Variants in OPLAH observed in about 807,000 individuals in gnomAD.
The protein encoded by OPLAH is 5-oxoprolinase, ATP-hydrolysing.
A neutral mutation model predicts 122.8 loss-of-function variants in OPLAH; 103 were observed. The observed-to-expected ratio is 0.84, with a 90% CI of 0.71 to 0.99. The LOEUF (loss-of-function observed/expected upper bound fraction) is 0.99. Ranked by LOEUF, OPLAH falls within the 50% of genes least tolerant of loss-of-function variation. The pLI is 0.00. For missense variants in OPLAH, 1,902 were observed against 1,836.5 expected, an observed-to-expected ratio of 1.04 and a Z score of -0.65; for synonymous variants, 875 against 796.0, an observed-to-expected ratio of 1.10 and a Z score of -1.67.
Position 144,051,790 on chromosome 8 carries a change from A to G in OPLAH, c.3659T>C (p.Ile1220Thr). ...EPGARGLNLL[I>T]RKNGRTVNLG... The stretch of plus-strand genomic sequence containing the variant: ...ATTCACCGTCCGGCCGTTTTTGCGG[A>G]TCAGCAGGTTTAGGCCGCGGGCGCC... The change falls in exon 26 of 27, where the codon ATC (isoleucine) becomes ACC (threonine). Residue 1220 changes from isoleucine to threonine, a missense_variant. By Grantham distance (89) the Ile-to-Thr change is moderately conservative. Transcript: ENST00000618853. 1.3e-6 allele frequency: 2 copies of G among 1,595,796 alleles called. No homozygotes were observed. Among genetic ancestry groups the G allele is most frequent in the Non-Finnish European group, 1.7e-6 (2 of 1,173,848 alleles).
At position 144,055,289 on chromosome 8, in the gene OPLAH, C is replaced by T. The variant is rs1393320230; in HGVS notation, c.2249-100G>A. 2.4e-6 allele frequency: 3 copies of T among 1,275,136 alleles called. No individual in the cohort carries two copies. In the Admixed American group the frequency reaches 9.7e-5, roughly 41 times the overall value. 79.0% of individuals were successfully genotyped at this position (1,275,136 alleles called of 1,614,324 possible). On this transcript the variant is annotated intron_variant, in intron 16 of 26. Coordinates refer to ENST00000618853, the MANE Select transcript of OPLAH (RefSeq NM_017570.5). This position sits in a 1 kb window ranked among gnomAD's most constrained non-coding sequence, Gnocchi z 6.5. ...CCCACCAGGACTCAAACCCAGGACC[C>T]AGGAAAAACCCAGCAGCTTTTTCCT...
Position 144,055,975 on chromosome 8 carries a change from CA to C in OPLAH, c.2097-37del. 6.6e-7 allele frequency: 1 copy of C among 1,517,422 alleles called. No homozygotes were observed. Among genetic ancestry groups the C allele is most frequent in the Non-Finnish European group, 8.9e-7 (1 of 1,128,330 alleles). The allele number at this position is 1,517,422 out of a possible 1,614,324, so 94.0% of individuals were successfully genotyped here. A position where few individuals can be genotyped will look rare whatever the true frequency, so the allele number is the denominator to read the frequency against. On this transcript the variant is annotated intron_variant, in intron 15 of 26. Coordinates refer to ENST00000618853, the MANE Select transcript of OPLAH (RefSeq NM_017570.5). This position sits in a 1 kb window ranked among gnomAD's most constrained non-coding sequence, Gnocchi z 6.5. ...GAGGGCACAGAGGGCTGCATGGGGC[CA>C]GGCGACACCCCTCCAACCAGAGATG...
chr8:144,050,557 A>G, downstream of OPLAH: 2 of 985,602 alleles, frequency 2.0e-6, no homozygotes, highest in Non-Finnish European at 2.4e-6. Context: ...CTAGAGCAGG[A>G]GCACGAGCTC....
At chr8:144,063,136 C>T (rs1835690142), upstream of OPLAH, among the ~76,000 whole-genome samples, 1 of 152,150 alleles carries the variant, frequency 6.6e-6, no homozygotes, top group Non-Finnish European at 1.5e-5. The surrounding 1 kb of genome is among the most constrained non-coding windows in gnomAD (Gnocchi z 4.2). Flanking sequence ...ATGGCCCGGC[C>T]CCTACTCTCT....
intron 15 of OPLAH, 79 bp downstream of exon 15, chr8:144,056,068 C>A (rs1835505606): frequency 6.5e-7 from 1 of 1,535,460 alleles, no homozygotes; most frequent in Non-Finnish European, 8.8e-7. Context: ...CCCCTGCAGC[C>A]TTGGGCCAGA....
chr8:144,056,477 C>G lies in OPLAH; in HGVS notation c.1891G>C (p.Val631Leu). 6.2e-7 allele frequency: 1 copy of G among 1,611,734 alleles called. No individual in the cohort carries two copies. Among genetic ancestry groups the G allele is most frequent in the South Asian group, 1.1e-5 (1 of 91,006 alleles). Reference protein sequence around the residue: ...GFVIPERPVVVDDVRVRGTGR... With the variant: ...GFVIPERPVVLDDVRVRGTGR... The stretch of plus-strand genomic sequence containing the variant: ...GTGCCCCGCACTCGCACATCGTCCA[C>G]GACCACCGGCCGCTCAGGTATGACA... Residue 631 changes from valine to leucine, a missense_variant, in exon 14 of 27, where the codon GTG becomes CTG. Physicochemically the swap from Val to Leu is conservative, Grantham distance 32. Coordinates refer to ENST00000618853, the MANE Select transcript of OPLAH (RefSeq NM_017570.5).
Position 144,052,280 on chromosome 8 carries a change from T to C in OPLAH, c.3350A>G (p.Tyr1117Cys), listed in dbSNP as rs1554757865. ...GCCCGCGCCGCCCGCCACCGTCTCGTAGTAGCCCATGTGGGCGTTGCCCAG... is the reference window on the plus strand; with the variant it reads ...GCCCGCGCCGCCCGCCACCGTCTCGCAGTAGCCCATGTGGGCGTTGCCCAG... ...VTLGNAHMGYYETVAGGAGAG... is the reference protein window; with the variant it reads ...VTLGNAHMGYCETVAGGAGAG... The change falls in exon 24 of 27, where the codon TAC (tyrosine) becomes TGC (cysteine). Residue 1117 changes from tyrosine (Y) to cysteine (C), a missense_variant. Tyr to Cys is a radical substitution (Grantham distance 194). Coordinates refer to ENST00000618853, the MANE Select transcript of OPLAH (RefSeq NM_017570.5). The C allele has an allele frequency of 3.9e-6, 6 of 1,535,132 alleles. No homozygotes were observed. Among genetic ancestry groups the C allele is most frequent in the Non-Finnish European group, 4.4e-6 (5 of 1,145,660 alleles).
rs1259167328 is a variant in OPLAH at position 144,054,494 on chromosome 8, C to A, written c.2686+67G>T. 5.4e-6 allele frequency: 8 copies of A among 1,478,084 alleles called. No homozygotes were observed. The Middle Eastern group carries it at 5.9e-4, about 109-fold the overall frequency. The allele number at this position is 1,478,084 out of a possible 1,614,324, so 91.6% of individuals were successfully genotyped here. A position where few individuals can be genotyped will look rare whatever the true frequency, so the allele number is the denominator to read the frequency against. On this transcript the variant is annotated intron_variant, in intron 19 of 26. Coordinates refer to ENST00000618853, the MANE Select transcript of OPLAH (RefSeq NM_017570.5). Reference sequence around the variant, plus strand: ...GGCTGCATCCCACGGTCCAGCCAGGCCTGCTTGCCAGCAGTGGCCATGTGT... The same window carrying A: ...GGCTGCATCCCACGGTCCAGCCAGGACTGCTTGCCAGCAGTGGCCATGTGT...
intron 19 of OPLAH, 78 bp downstream of exon 19, chr8:144,054,483 G>A (rs1188595640): frequency 5.6e-6 from 8 of 1,432,204 alleles, no homozygotes; most frequent in Non-Finnish European, 7.5e-6. Flanking sequence ...GCATCCCACG[G>A]TCCAGCCAGG....
In OPLAH at chr8:144,058,614, G is replaced by A. The variant is rs531271547; in HGVS notation, c.665C>T (p.Ala222Val). The A allele has an allele frequency of 1.2e-6, 2 of 1,603,282 alleles. No individual in the cohort carries two copies. The highest frequency in any genetic ancestry group is 2.2e-5 in the East Asian group (1 of 44,858). Residue 222 changes from alanine to valine, a missense_variant, in exon 6 of 27, where the codon GCC becomes GTC. Physicochemically the swap from Ala to Val is moderately conservative, Grantham distance 64. Around this residue, in one of 3 missense-constraint regions of OPLAH, gnomAD observed 1,726 missense variants for 1,642.1 expected, o/e 1.05. Coordinates refer to ENST00000618853, the MANE Select transcript of OPLAH (RefSeq NM_017570.5). ...GFTHVSLSSEAMPMVRIVPRG... is the reference protein window; with the variant it reads ...GFTHVSLSSEVMPMVRIVPRG... The stretch of plus-strand genomic sequence containing the variant: ...AGGGACGATGCGCACCATGGGCATG[G>A]CCTCCGAGGACAGTGACACGTGCGT...
rs78997949 is a variant in OPLAH, at chr8:144,055,717, A to G, written c.2248+71T>C. 2.1e-5 allele frequency: 29 copies of G among 1,409,680 alleles called. No homozygotes were observed. The East Asian group carries it at 4.6e-4, about 22-fold the overall frequency. The allele number at this position is 1,409,680 out of a possible 1,614,324, so 87.3% of individuals were successfully genotyped here. A position where few individuals can be genotyped will look rare whatever the true frequency, so the allele number is the denominator to read the frequency against. Reference sequence around the variant, plus strand: ...CCTGCTTCTGCCTCTCCCTTTGGGCACAGCCCTGCCAGCTACCCCATGACA... The same window carrying G: ...CCTGCTTCTGCCTCTCCCTTTGGGCGCAGCCCTGCCAGCTACCCCATGACA... On this transcript the variant is annotated intron_variant, in intron 16 of 26. Transcript: ENST00000618853. The surrounding 1 kb of genome is among the most constrained non-coding windows in gnomAD (Gnocchi z 6.5).
In OPLAH at chr8:144,056,643, C is replaced by T. The variant is rs1408742789; in HGVS notation, c.1819G>A (p.Asp607Asn). The T allele has an allele frequency of 3.7e-6, 6 of 1,612,078 alleles. No homozygotes were observed. The highest frequency in any genetic ancestry group is 5.1e-6 in the Non-Finnish European group (6 of 1,179,774). ...PATARSPRAG[D>N]FGAAFVERYM... ...CGCTCCACAAAGGCTGCCCCGAAGT[C>T]CCCCGCACGGGGCGAGCGGGCTGTG... is the stretch of plus-strand genomic sequence containing the variant. The change falls in exon 13 of 27, where the codon GAC becomes AAC. Residue 607 changes from aspartate (D) to asparagine (N), a missense_variant. Physicochemically the swap from Asp to Asn is conservative, Grantham distance 23. Around this residue, in one of 3 missense-constraint regions of OPLAH, gnomAD observed 1,726 missense variants for 1,642.1 expected, o/e 1.05. Transcript: ENST00000618853.
rs782316521 is a variant in OPLAH at position 144,053,362 on chromosome 8, C to T, written c.2718G>A (p.Lys906=). ...AVTEALRAPG[K]VPNCSGTRNL... is the part of the protein sequence containing the mutation. ...TTCTGGTTCCGCTGCAGTTGGGGACCTTGCCTGGCGCCCGCAGGGCCTCCG... is the reference window on the plus strand; with the variant it reads ...TTCTGGTTCCGCTGCAGTTGGGGACTTTGCCTGGCGCCCGCAGGGCCTCCG... Residue 906 remains lysine, a synonymous_variant, in exon 20 of 27, where the codon AAG becomes AAA. Coordinates refer to ENST00000618853, the MANE Select transcript of OPLAH (RefSeq NM_017570.5). The T allele has an allele frequency of 6.2e-6, 10 of 1,612,228 alleles. No individual in the cohort carries two copies. The highest frequency in any genetic ancestry group is 8.5e-6 in the Non-Finnish European group (10 of 1,179,616).
In OPLAH at chr8:144,057,012, C is replaced by A; in HGVS notation, c.1642G>T (p.Asp548Tyr). The part of the protein sequence containing the change: ...LYAPETFVQL[D>Y]QRLSRLEEQC... Reference sequence around the variant, plus strand: ...TCCTCCAGGCGGCTCAGCCTCTGGTCCAGCTGCACGAAGGTCTCAGGCGCG... The same window carrying A: ...TCCTCCAGGCGGCTCAGCCTCTGGTACAGCTGCACGAAGGTCTCAGGCGCG... Residue 548 changes from aspartate to tyrosine, a missense_variant, in exon 12 of 27, where the codon GAC becomes TAC. Around this residue, in one of 3 missense-constraint regions of OPLAH, gnomAD observed 1,726 missense variants for 1,642.1 expected, o/e 1.05. Transcript: ENST00000618853. 1 of 1,594,604 alleles carries A rather than the reference C, an allele frequency of 6.3e-7. No homozygotes were observed. Among genetic ancestry groups the A allele is most frequent in the Non-Finnish European group, 8.5e-7 (1 of 1,171,998 alleles).
chr8:144,058,891 T>C lies in OPLAH; in HGVS notation c.469A>G (p.Thr157Ala), dbSNP rs1394462037. Residue 157 changes from threonine (T) to alanine (A), a missense_variant, in exon 5 of 27, where the codon ACG becomes GCG. Thr to Ala is a moderately conservative substitution (Grantham distance 58, BLOSUM62 0). Transcript: ENST00000618853. ...TGCTGCACTTCCAGCAGGTCCCCCGTGCGGCCTTCCAGAAAAGCCCAGGAG... is the reference window on the plus strand; with the variant it reads ...TGCTGCACTTCCAGCAGGTCCCCCGCGCGGCCTTCCAGAAAAGCCCAGGAG... ...AGTGTPVKGRTGDLLEVQQPV... is the reference protein window; with the variant it reads ...AGTGTPVKGRAGDLLEVQQPV... 4.5e-6 allele frequency: 7 copies of C among 1,550,288 alleles called. No individual in the cohort carries two copies. The highest frequency in any genetic ancestry group is 6.1e-6 in the Non-Finnish European group (7 of 1,146,410).
intron 26 of OPLAH, 119 bp downstream of exon 26, chr8:144,051,610 T>G: frequency 8.5e-7 from 1 of 1,174,660 alleles, no homozygotes. Context: ...CGCGCCCCCT[T>G]TCCTTCCGGG....
At chr8:144,050,706 T>C (rs1554757476), downstream of OPLAH, 2 of 985,222 alleles carry the variant, frequency 2.0e-6, no homozygotes, top group South Asian at 4.7e-5. Flanking sequence ...GTATCGTGCT[T>C]AGGGGGAGGG....
At chr8:144,058,463 G>C (rs2129829107) in intron 6 of OPLAH, 33 bp downstream of exon 6, 2 of 1,578,204 alleles carry the variant, frequency 1.3e-6, no homozygotes, top group Middle Eastern at 3.4e-4. Flanking sequence ...CCCAGGCCCA[G>C]GAGTGGGCAG....
intron 1 of OPLAH, among the ~76,000 whole-genome samples, 170 bp from the exon 2 acceptor site, chr8:144,060,255 C>A (rs1184913555): frequency 2.6e-5 from 4 of 152,268 alleles, no homozygotes; most frequent in African/African-American, 9.6e-5. Flanking sequence ...GAGAGCCTGG[C>A]CGGCGGTCAG....
Sources: allele counts gnomAD v4.1 joint callset (sites outside exome capture counted in the v4.1 genomes callset), GRCh38; gene constraint gnomAD v4.1.1; regional missense constraint gnomAD v4.1.1; non-coding constraint Gnocchi (gnomAD v3.1); transcripts MANE v1.5; gene names NCBI Gene and HGNC (gene_info 2026-07-23, HGNC 2026-07-21).